Variants in SIM1 observed in about 807,000 individuals in gnomAD.
The protein encoded by SIM1 is single-minded homolog 1.
SIM1 carries 18 observed loss-of-function variants against 78.2 expected under a neutral mutation model. The observed-to-expected ratio is 0.23, with a 90% CI of 0.16 to 0.34. SIM1 has a LOEUF of 0.34. Ranked by LOEUF, SIM1 falls within the 10% of genes least tolerant of loss-of-function variation. SIM1 has a pLI of 1.00. For synonymous variants in SIM1, 417 were observed against 385.2 expected (o/e 1.08, Z -0.97); for missense variants, 939 against 975.1 (o/e 0.96, Z 0.49).
intron 10 of SIM1, among the ~76,000 whole-genome samples, chr6:100,412,023 A>G (rs929252312): frequency 6.6e-6 from 1 of 152,108 alleles, no homozygotes; most frequent in Non-Finnish European, 1.5e-5. Flanking sequence ...TTAGGGCCCA[A>G]TTATAAATGA....
intron 10 of SIM1, among the ~76,000 whole-genome samples, chr6:100,406,106 T>C (rs1771044979): frequency 6.6e-6 from 1 of 152,186 alleles, no homozygotes; most frequent in African/African-American, 2.4e-5. Flanking sequence ...AATGATTCAG[T>C]ATATCCCAAC....
chr6:100,455,188 C>A (rs538431048), intron 2 of SIM1, among the ~76,000 whole-genome samples: 2 of 152,316 alleles, frequency 1.3e-5, no homozygotes, highest in South Asian at 4.1e-4. Flanking sequence ...GCCCCTTAAG[C>A]TCAAATCCGG....
chr6:100,395,625 G>A (rs1379313789), intron 10 of SIM1, among the ~76,000 whole-genome samples: 2 of 152,202 alleles, frequency 1.3e-5, no homozygotes, highest in Non-Finnish European at 2.9e-5. Flanking sequence ...ATGTGGTGTT[G>A]TGGAGGGAAG....
chr6:100,393,646 G>C lies in SIM1; in HGVS notation c.1411C>G (p.Arg471Gly), dbSNP rs1190139471. ...AGGAAGTACCTGCCTGCCTCACATC[G>C]GCCTCCTTCACAGGCCTGGGTATGG... ...HFHTQACEGGRCEAGRYFLGT... is the reference protein window; with the variant it reads ...HFHTQACEGGGCEAGRYFLGT... The change falls in exon 11 of 12, where the codon CGA becomes GGA. Residue 471 changes from arginine to glycine, a missense_variant. Arg to Gly is a moderately radical substitution (Grantham distance 125). This residue lies in a region of SIM1 where 556 missense variants were observed against 521.9 expected (regional missense o/e 1.07). Coordinates refer to ENST00000369208, the MANE Select transcript of SIM1 (RefSeq NM_005068.3). 2 of 1,614,072 alleles carry C rather than the reference G, an allele frequency of 1.2e-6. No homozygotes were observed.
chr6:100,453,454 C>A (rs1047674391), intron 3 of SIM1, among the ~76,000 whole-genome samples: 1 of 152,114 alleles, frequency 6.6e-6, no homozygotes, highest in Non-Finnish European at 1.5e-5. Flanking sequence ...TCCCTCAGCC[C>A]AATGGAGACA....
chr6:100,421,544 A>C (rs1313263386), intron 9 of SIM1, among the ~76,000 whole-genome samples: 2 of 152,204 alleles, frequency 1.3e-5, no homozygotes, highest in African/African-American at 4.8e-5. Flanking sequence ...ACTTTGTGCT[A>C]CAATACAGGG....
chr6:100,436,709 T>C (rs908372843), intron 9 of SIM1, among the ~76,000 whole-genome samples: 1 of 151,820 alleles, frequency 6.6e-6, no homozygotes, highest in African/African-American at 2.4e-5. Context: ...TTGTCGTTGT[T>C]TTTTGTATTT....
chr6:100,449,477 G>T, intron 5 of SIM1, 29 bp from the exon 6 acceptor site: 1 of 1,604,170 alleles, frequency 6.2e-7, no homozygotes, highest in Non-Finnish European at 8.5e-7. Flanking sequence ...GGGAAGCTCA[G>T]GTCGTGTGAC....
At chr6:100,398,933 TTGTG>T (rs370296648) in intron 10 of SIM1, among the ~76,000 whole-genome samples, 6,317 of 147,000 alleles carry the variant, frequency 0.043, 165 homozygotes, top group Non-Finnish European at 0.055. Context: ...ACACTTGTTA[TTGTG>T]TGTGTGTGTG....
chr6:100,460,828 T>C (rs1440825653), intron 2 of SIM1, among the ~76,000 whole-genome samples: 3 of 152,208 alleles, frequency 2.0e-5, no homozygotes. Flanking sequence ...TGTTCTTTAA[T>C]ATTTTAAAGA....
intron 9 of SIM1, among the ~76,000 whole-genome samples, chr6:100,442,399 G>A (rs1426220422): frequency 6.6e-6 from 1 of 151,994 alleles, no homozygotes; most frequent in East Asian, 1.9e-4. Context: ...TCTTCAATTT[G>A]TTTTTATAAT....
At chr6:100,395,951 T>G (rs1420473864) in intron 10 of SIM1, 1 of 221,310 alleles carries the variant, frequency 4.5e-6, no homozygotes, top group African/African-American at 2.3e-5. Flanking sequence ...CCTACACATA[T>G]GGACTATCAG....
rs1209801852 is a variant in SIM1 at position 100,423,113 on chromosome 6, C to G, written c.999-2155G>C. Among the ~76,000 whole-genome samples the G allele has an allele frequency of 3.9e-5, 6 of 152,236 alleles. No individual in the cohort carries two copies. The East Asian group carries it at 1.2e-3, about 29-fold the overall frequency. ...CACTGGTCTACTTTTTAGCTCTAAT[C>G]AACTCCAAGGACCATATAGACTCTG... On this transcript the variant is annotated intron_variant, in intron 9 of 11. Coordinates refer to ENST00000369208, the MANE Select transcript of SIM1 (RefSeq NM_005068.3).
chr6:100,436,713 T>G (rs1422608753), intron 9 of SIM1, among the ~76,000 whole-genome samples: 1 of 151,732 alleles, frequency 6.6e-6, no homozygotes, highest in Non-Finnish European at 1.5e-5. Context: ...CGTTGTTTTT[T>G]GTATTTTGTT....
rs1343976603 is a variant in SIM1, at chr6:100,464,759, T to G, written c.-613A>C. 1.3e-5 allele frequency: 2 copies of G among 152,204 alleles called. No homozygotes were observed. Among genetic ancestry groups the G allele is most frequent in the Non-Finnish European group, 2.9e-5 (2 of 68,126 alleles). 9.4% of individuals were successfully genotyped at this position (152,204 alleles called of 1,614,324 possible). ...AGCATTCCCGGCTCCCTTTTCTGGA[T>G]CATGAATTGGAGGAGGGGTGCGTGG... On this transcript the variant is annotated 5_prime_UTR_variant, in exon 1 of 12. Transcript: ENST00000369208.
chr6:100,391,370 T>G (rs904179076), intron 11 of SIM1, among the ~76,000 whole-genome samples: 2 of 152,178 alleles, frequency 1.3e-5, no homozygotes, highest in Non-Finnish European at 2.9e-5. Context: ...GAATGACAAT[T>G]AGCAAAATGG....
intron 9 of SIM1, among the ~76,000 whole-genome samples, chr6:100,436,741 T>C (rs1772061141): frequency 7.4e-6 from 1 of 134,892 alleles, no homozygotes; most frequent in African/African-American, 2.7e-5. Flanking sequence ...TTGTTTTTGG[T>C]ATTTTTTTTT....
chr6:100,447,899 G>A (rs1240120014), intron 8 of SIM1, among the ~76,000 whole-genome samples: 1 of 152,258 alleles, frequency 6.6e-6, no homozygotes, highest in African/African-American at 2.4e-5. Flanking sequence ...ATATACCTTC[G>A]CCGGGGGCGG....
Position 100,390,566 on chromosome 6 carries a change from A to G in SIM1, c.2096T>C (p.Phe699Ser), listed in dbSNP as rs760307476. ...GDHPTVSPNC[F>S]GSHRQYFDKH... Reference sequence around the variant, plus strand: ...GTCAAAATACTGCCGGTGAGAGCCAAAGCAGTTTGGAGAGACAGTAGGGTG... The same window carrying G: ...GTCAAAATACTGCCGGTGAGAGCCAGAGCAGTTTGGAGAGACAGTAGGGTG... Residue 699 changes from phenylalanine (F) to serine (S), a missense_variant, in exon 12 of 12, where the codon TTT becomes TCT. By Grantham distance (155) the Phe-to-Ser change is radical. Transcript: ENST00000369208. The G allele has an allele frequency of 6.2e-7, 1 of 1,614,172 alleles. No homozygotes were observed. Among genetic ancestry groups the G allele is most frequent in the South Asian group, 1.1e-5 (1 of 91,078 alleles).
Sources: allele counts gnomAD v4.1 joint callset (sites outside exome capture counted in the v4.1 genomes callset), GRCh38; gene constraint gnomAD v4.1.1; regional missense constraint gnomAD v4.1.1; transcripts MANE v1.5; gene names NCBI Gene and HGNC (gene_info 2026-07-23, HGNC 2026-07-21).